TENM2: variants seen among roughly 807,000 people sequenced by gnomAD.
TENM2 encodes teneurin-2.
TENM2 carries 52 observed loss-of-function variants against 245.2 expected under a neutral mutation model. That is an observed-to-expected ratio of 0.21 (90% CI 0.17 to 0.27). The LOEUF (loss-of-function observed/expected upper bound fraction) is 0.27. Among genes scored for constraint, TENM2 ranks in the 10% least tolerant of loss-of-function variants. TENM2 has a pLI of 1.00. For synonymous variants in TENM2, 1,363 were observed against 1,438.9 expected, an observed-to-expected ratio of 0.95 and a Z score of 1.19; for missense variants, 3,046 against 3,666.8, an observed-to-expected ratio of 0.83 and a Z score of 4.37.
At chr5:167,200,054 A>G in the TENM2 span, among the ~76,000 whole-genome samples, 2 of 152,112 alleles carry the variant, frequency 1.3e-5, no homozygotes, top group Admixed American at 6.5e-5. Flanking sequence ...CATTTTCCAC[A>G]CCACCCACTG....
At chr5:167,363,344 C>T (rs1759827529) in intron 1 of TENM2, among the ~76,000 whole-genome samples, 1 of 152,064 alleles carries the variant, frequency 6.6e-6, no homozygotes, top group Admixed American at 6.5e-5. Context: ...TGTGTAGAAT[C>T]AAATACAAAT....
At chr5:167,349,704 A>G (rs1758702704) in intron 1 of TENM2, among the ~76,000 whole-genome samples, 1 of 152,152 alleles carries the variant, frequency 6.6e-6, no homozygotes, top group Non-Finnish European at 1.5e-5. Flanking sequence ...ATATGTATAT[A>G]GCCTGTTACT....
At chr5:167,100,841 A>G in the TENM2 span, among the ~76,000 whole-genome samples, 1 of 152,352 alleles carries the variant, frequency 6.6e-6, no homozygotes, top group African/African-American at 2.4e-5. Context: ...TTGATGACTC[A>G]GAATCTGAAT....
At chr5:167,802,927 A>C (rs1303731687) in intron 2 of TENM2, among the ~76,000 whole-genome samples, 1 of 152,176 alleles carries the variant, frequency 6.6e-6, no homozygotes, top group African/African-American at 2.4e-5. Context: ...TGTGAGTCCT[A>C]GAAATGATGG....
At chr5:167,261,497 T>G in the TENM2 span, among the ~76,000 whole-genome samples, 1 of 152,154 alleles carries the variant, frequency 6.6e-6, no homozygotes, top group Non-Finnish European at 1.5e-5. Flanking sequence ...TTTGTCATCA[T>G]TAACATCATC....
intron 14 of TENM2, among the ~76,000 whole-genome samples, chr5:168,192,515 C>T (rs756015929): frequency 5.3e-5 from 8 of 152,150 alleles, no homozygotes; most frequent in Non-Finnish European, 7.3e-5. Context: ...TGCATATGCC[C>T]TGAATTGCCA....
At chr5:167,211,241 C>T in the TENM2 span, among the ~76,000 whole-genome samples, 1 of 152,108 alleles carries the variant, frequency 6.6e-6, no homozygotes, top group African/African-American at 2.4e-5. Flanking sequence ...TTGAAACTGC[C>T]GTCAACCTGC....
chr5:168,051,012 T>C (rs1789037277), intron 6 of TENM2, among the ~76,000 whole-genome samples: 2 of 152,208 alleles, frequency 1.3e-5, no homozygotes, highest in Admixed American at 6.5e-5. Flanking sequence ...GAACTTTCTC[T>C]GTAGATCTGG....
the TENM2 span, among the ~76,000 whole-genome samples, chr5:167,226,002 G>T: frequency 1.3e-5 from 2 of 151,864 alleles, no homozygotes; most frequent in Admixed American, 6.6e-5. Context: ...TGTTGTATCA[G>T]TTGTAATGCA....
the TENM2 span, among the ~76,000 whole-genome samples, chr5:167,227,744 G>GTATGT: frequency 6.6e-6 from 1 of 152,174 alleles, no homozygotes; most frequent in South Asian, 2.1e-4. Flanking sequence ...AGATCTTTTT[G>GTATGT]CTTTGTATGT....
At chr5:167,298,396 G>T (rs923287766) in intron 1 of TENM2, among the ~76,000 whole-genome samples, 5 of 152,222 alleles carry the variant, frequency 3.3e-5, no homozygotes, top group African/African-American at 1.2e-4. Flanking sequence ...GAGGTCAGGA[G>T]ATTGAGACCA....
rs71591185 is a variant in TENM2, at chr5:167,457,282, TTTTTATTTTATTTTATTTTATTTTA to T, written c.502+81854_502+81878del. Among the ~76,000 whole-genome samples the T allele has an allele frequency of 8.1e-3, 1,058 of 130,002 alleles. 14 individuals carry two copies. The highest frequency in any genetic ancestry group is 0.025 in the East Asian group (103 of 4,144). The allele number at this position is 130,002 out of a possible 152,430, so 85.3% of individuals were successfully genotyped here. On this transcript the variant is annotated intron_variant, in intron 2 of 28. Transcript: ENST00000518659. ...AGATAATTTAAGTTCACTGACCTGC[TTTTTATTTTATTTTATTTTATTTTA>T]TTTTATTTTATTTTATTTTATTTTA...
intron 12 of TENM2, among the ~76,000 whole-genome samples, chr5:168,132,645 A>G (rs1035371876): frequency 6.6e-6 from 1 of 152,218 alleles, no homozygotes; most frequent in Non-Finnish European, 1.5e-5. Flanking sequence ...AAAGAATTGA[A>G]CAGTTTGGAA....
the TENM2 span, among the ~76,000 whole-genome samples, chr5:167,241,513 G>C: frequency 6.6e-6 from 1 of 152,150 alleles, no homozygotes; most frequent in Admixed American, 6.5e-5. Flanking sequence ...AAAGAGAGAG[G>C]ATGAACATTG....
chr5:167,584,692 ACTTTT>A (rs1331774776), intron 2 of TENM2, among the ~76,000 whole-genome samples: 1 of 128,154 alleles, frequency 7.8e-6, no homozygotes, highest in African/African-American at 2.6e-5. Context: ...AGCTTTCTTT[ACTTTT>A]CTTTTTTTTT....
intron 7 of TENM2, among the ~76,000 whole-genome samples, chr5:168,069,593 T>A (rs1790806798): frequency 6.6e-6 from 1 of 152,182 alleles, no homozygotes; most frequent in Non-Finnish European, 1.5e-5. Context: ...ATTATCTTGT[T>A]TTATCTTCAC....
chr5:167,200,716 T>C, the TENM2 span, among the ~76,000 whole-genome samples: 54 of 152,292 alleles, frequency 3.5e-4, no homozygotes, highest in African/African-American at 1.2e-3. Context: ...GCAATCCAAG[T>C]GTGGCAGCGG....
At chr5:167,563,410 A>G (rs951194306) in intron 2 of TENM2, among the ~76,000 whole-genome samples, 1 of 152,014 alleles carries the variant, frequency 6.6e-6, no homozygotes, top group African/African-American at 2.4e-5. Context: ...ATACTTCCCA[A>G]AGAACCTTCT....
chr5:167,386,212 C>T (rs1019580727), intron 2 of TENM2, among the ~76,000 whole-genome samples: 6 of 152,022 alleles, frequency 3.9e-5, no homozygotes, highest in Non-Finnish European at 7.4e-5. Context: ...GCCATTCTTG[C>T]GGCAGTAAAG....
Sources: gnomAD v4.1 joint callset for allele counts (sites outside exome capture counted in the v4.1 genomes callset) on GRCh38, gnomAD v4.1.1 for gene constraint, MANE v1.5 for transcripts, NCBI Gene and HGNC (gene_info 2026-07-23, HGNC 2026-07-21) for gene names.